The following MCF2L variants were observed in gnomAD, a reference collection of about 807,000 sequenced individuals.
MCF2L encodes guanine nucleotide exchange factor DBS.
Under a neutral mutation model 153.4 loss-of-function variants are expected in MCF2L, and 97 were observed. That is an observed-to-expected ratio of 0.63 (90% confidence interval 0.54 to 0.75). The LOEUF (loss-of-function observed/expected upper bound fraction) is 0.75. Ranked by LOEUF, MCF2L falls within the 30% of genes least tolerant of loss-of-function variation. The probability of loss-of-function intolerance (pLI) is 0.00; values close to 1 mark genes in which losing one functional copy is unlikely to be tolerated. For missense variants in MCF2L, 1,347 were observed against 1,495.2 expected (o/e 0.90, Z 1.64); for synonymous variants, 659 against 632.2 (o/e 1.04, Z -0.64).
chr13:113,095,776 T>C, intron 27 of MCF2L: 1 of 1,000,130 alleles, frequency 1.0e-6, no homozygotes, highest in Non-Finnish European at 1.2e-6. Flanking sequence ...CCCCACTCTG[T>C]AGGAACAGCT....
chr13:113,038,464 C>CAAA (rs59638426), intron 3 of MCF2L, among the ~76,000 whole-genome samples: 7 of 111,902 alleles, frequency 6.3e-5, no homozygotes, highest in African/African-American at 2.3e-4. Context: ...GCCTCCATCT[C>CAAA]AAAAAAAAAA....
chr13:113,065,125 C>T (rs746007296), intron 7 of MCF2L, 40 bp downstream of exon 7: 1 of 1,605,818 alleles, frequency 6.2e-7, no homozygotes, highest in Non-Finnish European at 8.5e-7. Context: ...GTGGGGGGCT[C>T]CGGTCAGTCA....
intron 1 of MCF2L, among the ~76,000 whole-genome samples, chr13:113,005,222 C>A (rs2083607744): frequency 6.6e-6 from 1 of 152,206 alleles, no homozygotes. Flanking sequence ...GCAAAATCAG[C>A]CACAGGCAAA....
Position 112,993,920 on chromosome 13 carries a change from T to C in MCF2L, c.80-20843T>C, listed in dbSNP as rs1163168691. 6.6e-6 allele frequency among the ~76,000 whole-genome samples: 1 copy of C among 151,230 alleles called. No individual in the cohort carries two copies. The highest frequency in any genetic ancestry group is 1.5e-5 in the Non-Finnish European group (1 of 67,842). ...GAAGAAGGTGAGATCCACAGCTCGATTTCCCTTCAGATAAAAGGCACAATC... is the reference window on the plus strand; with the variant it reads ...GAAGAAGGTGAGATCCACAGCTCGACTTCCCTTCAGATAAAAGGCACAATC... On this transcript the variant is annotated intron_variant, in intron 1 of 29. Transcript: ENST00000535094. This position sits in a 1 kb window ranked among gnomAD's most constrained non-coding sequence, Gnocchi z 4.6.
chr13:113,060,811 G>A lies in MCF2L; in HGVS notation c.489+99G>A. 6 of 1,518,852 alleles carry A rather than the reference G, an allele frequency of 4.0e-6. No individual in the cohort carries two copies. In the South Asian group the frequency reaches 4.8e-5, roughly 12 times the overall value. The allele number at this position is 1,518,852 out of a possible 1,614,324, so 94.1% of individuals were successfully genotyped here. A position where few individuals can be genotyped will look rare whatever the true frequency, so the allele number is the denominator to read the frequency against. ...GAAATCCTCGAGGAGCTGACTTCAG[G>A]GCCACACGGTCAACAAAACCCCGCA... On this transcript the variant is annotated intron_variant, in intron 5 of 29. Transcript: ENST00000535094.
intron 3 of MCF2L, among the ~76,000 whole-genome samples, chr13:113,030,132 A>G (rs2085556676): frequency 6.6e-6 from 1 of 152,158 alleles, no homozygotes; most frequent in African/African-American, 2.4e-5. Context: ...TGTTAATATA[A>G]ACCAAGTTTT....
intron 2 of MCF2L, among the ~76,000 whole-genome samples, chr13:112,936,798 C>T (rs903815972): frequency 1.3e-5 from 2 of 152,184 alleles, no homozygotes; most frequent in East Asian, 1.9e-4. Flanking sequence ...ATATAACCTA[C>T]GTGCATTCCC....
chr13:113,045,217 G>A lies in MCF2L; in HGVS notation c.279-54G>A, dbSNP rs994881106. The A allele has an allele frequency of 3.5e-6, 5 of 1,409,890 alleles. No individual in the cohort carries two copies. The highest frequency in any genetic ancestry group is 1.7e-5 in the Admixed American group (1 of 59,686). The allele number at this position is 1,409,890 out of a possible 1,614,324, so 87.3% of individuals were successfully genotyped here. ...AGAGGTTTTCTGAGGGATTTCGTGG[G>A]CAGCCGGCTTCCCACCTGCACACAT... On this transcript the variant is annotated intron_variant, in intron 3 of 29. Coordinates refer to ENST00000535094, the MANE Select transcript of MCF2L (RefSeq NM_001112732.3). This position sits in a 1 kb window ranked among gnomAD's most constrained non-coding sequence, Gnocchi z 4.2.
At chr13:112,972,834 TG>T (rs1201199209) in intron 1 of MCF2L, among the ~76,000 whole-genome samples, 1 of 135,542 alleles carries the variant, frequency 7.4e-6, no homozygotes, top group East Asian at 2.2e-4. Context: ...GGAAGGTGGA[TG>T]GATGGATGAA....
Position 113,088,410 on chromosome 13 carries a change from G to A in MCF2L, c.2767+5G>A. 6.2e-7 allele frequency: 1 copy of A among 1,613,872 alleles called. No homozygotes were observed. The highest frequency in any genetic ancestry group is 8.5e-7 in the Non-Finnish European group (1 of 1,179,966). ...GCCAGCTGCAGGCTTGTAGAGGTGA[G>A]GCTGTCTTCAAGCGATCGTTTCCCG... On this transcript the variant is annotated splice_donor_5th_base_variant and intron_variant, in intron 24 of 29. Coordinates refer to ENST00000535094, the MANE Select transcript of MCF2L (RefSeq NM_001112732.3).
chr13:112,909,426 A>G, intron 2 of MCF2L: 2 of 702,218 alleles, frequency 2.8e-6, no homozygotes, highest in South Asian at 3.1e-5. Flanking sequence ...GGTTTGGGGC[A>G]GGCCTGAGCA....
chr13:113,080,806 G>A (rs1243820262), intron 15 of MCF2L, among the ~76,000 whole-genome samples: 6 of 152,222 alleles, frequency 3.9e-5, no homozygotes, highest in Admixed American at 2.0e-4. Flanking sequence ...GCAGGCGGGC[G>A]TCTTCTTGGC....
At chr13:113,014,203 G>A (rs1013997479) in intron 1 of MCF2L, among the ~76,000 whole-genome samples, 1 of 152,200 alleles carries the variant, frequency 6.6e-6, no homozygotes, top group African/African-American at 2.4e-5. Context: ...TGTGGGGGTC[G>A]ACCCTGCTGT....
intron 1 of MCF2L, among the ~76,000 whole-genome samples, chr13:112,895,727 G>A (rs1387428056): frequency 1.3e-5 from 2 of 152,098 alleles, no homozygotes; most frequent in African/African-American, 4.8e-5. Context: ...CAGGAGACCC[G>A]GGTTTTAAGG....
intron 2 of MCF2L, among the ~76,000 whole-genome samples, chr13:112,935,592 G>T (rs2081506955): frequency 6.6e-6 from 1 of 152,184 alleles, no homozygotes; most frequent in African/African-American, 2.4e-5. Context: ...TCTGTGAGAT[G>T]ATTTTGCCCA....
In MCF2L at chr13:113,070,203, G is replaced by T; in HGVS notation, c.996+30G>T. The T allele has an allele frequency of 4.1e-6, 6 of 1,461,452 alleles. No individual in the cohort carries two copies. Among genetic ancestry groups the T allele is most frequent in the East Asian group, 2.5e-5 (1 of 39,388 alleles). 90.5% of individuals were successfully genotyped at this position (1,461,452 alleles called of 1,614,324 possible). On this transcript the variant is annotated intron_variant, in intron 9 of 29. Coordinates refer to ENST00000535094, the MANE Select transcript of MCF2L (RefSeq NM_001112732.3). The surrounding 1 kb of genome is among the most constrained non-coding windows in gnomAD (Gnocchi z 5.6). ...GTGGCCCTGGGTGGAGCCGGCAGCCGCCCTGATGCTCACGGGGCCTCCTGT... is the reference window on the plus strand; with the variant it reads ...GTGGCCCTGGGTGGAGCCGGCAGCCTCCCTGATGCTCACGGGGCCTCCTGT...
chr13:112,994,261 G>A (rs1353142971), intron 1 of MCF2L, among the ~76,000 whole-genome samples: 1 of 151,876 alleles, frequency 6.6e-6, no homozygotes, highest in Non-Finnish European at 1.5e-5. Context: ...GTCTCGGGCA[G>A]GGGCTGGCGT....
chr13:112,923,567 G>A (rs537891390), intron 2 of MCF2L, among the ~76,000 whole-genome samples: 72 of 152,104 alleles, frequency 4.7e-4, no homozygotes, highest in African/African-American at 1.6e-3. Flanking sequence ...CCTGGCCAGT[G>A]TTTACTTCTT....
At chr13:112,906,051 G>C (rs1479423829) in intron 2 of MCF2L, among the ~76,000 whole-genome samples, 1 of 152,200 alleles carries the variant, frequency 6.6e-6, no homozygotes, top group Non-Finnish European at 1.5e-5. Flanking sequence ...TCTTTGAGAA[G>C]GTCACAGGAG....
Sources: allele counts gnomAD v4.1 joint callset (sites outside exome capture counted in the v4.1 genomes callset), GRCh38; gene constraint gnomAD v4.1.1; non-coding constraint Gnocchi (gnomAD v3.1); transcripts MANE v1.5; gene names NCBI Gene and HGNC (gene_info 2026-07-23, HGNC 2026-07-21).